OR7E24: variants seen among roughly 807,000 people sequenced by gnomAD.
OR7E24 encodes olfactory receptor 7E24.
For synonymous variants in OR7E24, 130 were observed against 157.5 expected, an observed-to-expected ratio of 0.83 and a Z score of 1.31; for missense variants, 385 against 410.3, an observed-to-expected ratio of 0.94 and a Z score of 0.53.
At chr19:9,248,626 A>T (rs960994556), upstream of OR7E24, among the ~76,000 whole-genome samples, 1 of 152,154 alleles carries the variant, frequency 6.6e-6, no homozygotes, top group African/African-American at 2.4e-5. Context: ...GGCAGCTGAG[A>T]TCACATCAAA....
the OR7E24 span, among the ~76,000 whole-genome samples, chr19:9,222,493 T>C: frequency 3.3e-5 from 5 of 152,226 alleles, no homozygotes; most frequent in Admixed American, 2.6e-4. Context: ...GTTTTATAGT[T>C]CTGGGTGTAC....
the OR7E24 span, among the ~76,000 whole-genome samples, chr19:9,217,514 A>G: frequency 6.6e-6 from 1 of 152,096 alleles, no homozygotes; most frequent in African/African-American, 2.4e-5. Flanking sequence ...ATTTGGGCTG[A>G]GAGAGGAAGA....
At chr19:9,242,501 C>T (rs748970264), upstream of OR7E24, among the ~76,000 whole-genome samples, 1 of 152,112 alleles carries the variant, frequency 6.6e-6, no homozygotes, top group Non-Finnish European at 1.5e-5. Context: ...CCACCTGCCT[C>T]GGCCTCCCAA....
the OR7E24 span, among the ~76,000 whole-genome samples, chr19:9,227,828 AC>A: frequency 9.8e-5 from 13 of 132,036 alleles, no homozygotes; most frequent in South Asian, 3.0e-3. Context: ...ATCTCGGCTC[AC>A]TGCAAGCTCC....
At chr19:9,215,356 A>C in the OR7E24 span, among the ~76,000 whole-genome samples, 15 of 152,064 alleles carry the variant, frequency 9.9e-5, no homozygotes, top group African/African-American at 3.4e-4. Context: ...AAAAAAAAAA[A>C]AAAAAAAAAC....
At chr19:9,211,089 G>A in the OR7E24 span, 2 of 152,418 alleles carry the variant, frequency 1.3e-5, no homozygotes, top group Non-Finnish European at 1.5e-5. Flanking sequence ...CTGGTAGAAG[G>A]ATAGGCCTGG....
the OR7E24 span, chr19:9,214,731 A>G: frequency 6.2e-7 from 1 of 1,614,082 alleles, no homozygotes; most frequent in Non-Finnish European, 8.5e-7. Context: ...CACCGTGACC[A>G]GGTACATGGA....
the OR7E24 span, among the ~76,000 whole-genome samples, chr19:9,239,910 TATTGGTCAGG>T: frequency 6.6e-6 from 1 of 151,958 alleles, no homozygotes; most frequent in African/African-American, 2.4e-5. Flanking sequence ...GGTTTCACCA[TATTGGTCAGG>T]CTGGTCTCGA....
chr19:9,236,140 C>G, the OR7E24 span: 6 of 859,650 alleles, frequency 7.0e-6, no homozygotes, highest in Admixed American at 2.2e-5. Flanking sequence ...AATGTGAATG[C>G]GCATATCCTA....
At chr19:9,231,972 A>G in the OR7E24 span, among the ~76,000 whole-genome samples, 1 of 152,172 alleles carries the variant, frequency 6.6e-6, no homozygotes, top group African/African-American at 2.4e-5. Context: ...CCTACTAATG[A>G]TACAGGAGCT....
the OR7E24 span, chr19:9,213,880 G>C: frequency 6.3e-7 from 1 of 1,587,002 alleles, no homozygotes; most frequent in Non-Finnish European, 8.6e-7. Context: ...TGTCCTCTTA[G>C]TTCTGAGGCC....
chr19:9,234,755 T>C, the OR7E24 span, among the ~76,000 whole-genome samples: 1 of 152,200 alleles, frequency 6.6e-6, no homozygotes, highest in Non-Finnish European at 1.5e-5. Context: ...ACATCACCTG[T>C]GTCAGGTCAC....
chr19:9,217,800 A>C, the OR7E24 span, among the ~76,000 whole-genome samples: 1 of 152,142 alleles, frequency 6.6e-6, no homozygotes, highest in Non-Finnish European at 1.5e-5. Flanking sequence ...CGGCCTCCCA[A>C]AATGCTGGGA....
chr19:9,212,432 C>T, the OR7E24 span: 2 of 152,050 alleles, frequency 1.3e-5, no homozygotes, highest in East Asian at 3.9e-4. Flanking sequence ...AGTATGCATT[C>T]CAAATCAGTG....
the OR7E24 span, chr19:9,211,048 C>G: frequency 6.6e-6 from 1 of 152,270 alleles, no homozygotes; most frequent in Non-Finnish European, 1.5e-5. Context: ...AGGGAAATCT[C>G]CATGGTCTTG....
At chr19:9,231,537 G>A in the OR7E24 span, among the ~76,000 whole-genome samples, 5 of 152,110 alleles carry the variant, frequency 3.3e-5, no homozygotes, top group East Asian at 1.9e-4. Context: ...CCGAGATTGC[G>A]CCACTGCGCT....
chr19:9,235,688 C>T, the OR7E24 span: 2 of 1,600,478 alleles, frequency 1.2e-6, no homozygotes, highest in South Asian at 1.1e-5. Flanking sequence ...TGTGAACTGG[C>T]TCAGGTCCTC....
upstream of OR7E24, among the ~76,000 whole-genome samples, chr19:9,244,186 G>A (rs779910266): frequency 3.9e-5 from 6 of 152,316 alleles, no homozygotes; most frequent in East Asian, 1.9e-4. Flanking sequence ...AGCCTAGCAG[G>A]TTTTGTTACT....
the OR7E24 span, among the ~76,000 whole-genome samples, chr19:9,232,001 C>A: frequency 7.9e-4 from 121 of 152,204 alleles, 2 homozygotes; most frequent in East Asian, 0.023. Context: ...ATTACTTAGG[C>A]AGCTAGTGAG....
Sources: allele counts gnomAD v4.1 joint callset (sites outside exome capture counted in the v4.1 genomes callset), GRCh38; gene constraint gnomAD v4.1.1; transcripts MANE v1.5; gene names NCBI Gene and HGNC (gene_info 2026-07-23, HGNC 2026-07-21).